The following ZFHX3 variants were observed in gnomAD, a reference collection of about 807,000 sequenced individuals.
ZFHX3 encodes zinc finger homeobox protein 3.
A neutral mutation model predicts 279.1 loss-of-function variants in ZFHX3; 42 were observed. That is an observed-to-expected ratio of 0.15 (90% CI 0.12 to 0.19). ZFHX3 has a LOEUF of 0.19. Among genes scored for constraint, ZFHX3 ranks in the 10% least tolerant of loss-of-function variants. The pLI, the probability that ZFHX3 is intolerant of heterozygous loss-of-function variation, is 1.00. For synonymous variants in ZFHX3, 2,293 were observed against 1,957.8 expected (o/e 1.17, Z -4.52); for missense variants, 4,981 against 4,754.0 (o/e 1.05, Z -1.40).
At chr16:73,200,146 A>G (rs2144898081) in intron 5 of ZFHX3, among the ~76,000 whole-genome samples, 1 of 152,338 alleles carries the variant, frequency 6.6e-6, no homozygotes, top group South Asian at 2.1e-4. Flanking sequence ...AGTGTTATGA[A>G]GAAGAATAAA....
intron 5 of ZFHX3, among the ~76,000 whole-genome samples, chr16:73,207,380 T>C (rs2144906409): frequency 6.6e-6 from 1 of 152,338 alleles, no homozygotes; most frequent in East Asian, 1.9e-4. Context: ...GGCGGGGTGT[T>C]TACCAATGTA....
intron 5 of ZFHX3, among the ~76,000 whole-genome samples, chr16:73,224,544 T>G (rs934070378): frequency 6.6e-6 from 1 of 152,246 alleles, no homozygotes; most frequent in African/African-American, 2.4e-5. Context: ...TCTCAAAGGC[T>G]GTTTCTGAGT....
At chr16:73,675,549 T>A (rs2052945988) in intron 2 of ZFHX3, among the ~76,000 whole-genome samples, 1 of 152,022 alleles carries the variant, frequency 6.6e-6, no homozygotes, top group African/African-American at 2.4e-5. Context: ...GATTTCCCTA[T>A]CAGTTTCACT....
At chr16:73,857,530 C>T (rs930083482) in intron 1 of ZFHX3, among the ~76,000 whole-genome samples, 2 of 152,014 alleles carry the variant, frequency 1.3e-5, no homozygotes, top group African/African-American at 2.4e-5. Flanking sequence ...AATATAAAAG[C>T]GGGGAGGAGA....
rs117977981 is a variant in ZFHX3 at position 73,884,497 on chromosome 16, A to G, written c.-1608+7154T>C. Among the ~76,000 whole-genome samples, 177 of 152,316 alleles carry G rather than the reference A, an allele frequency of 1.2e-3. 6 individuals are homozygous for G. The East Asian group carries it at 0.029, about 25-fold the overall frequency. On this transcript the variant is annotated intron_variant, in intron 1 of 17. Transcript: ENST00000641206. ...GGAGCTGTTAACAAAAGAAACATGG[A>G]AAAATCATGCAGTTTAGACTTTTAA...
intron 7 of ZFHX3, among the ~76,000 whole-genome samples, chr16:73,102,105 G>T (rs894110216): frequency 6.6e-6 from 1 of 151,800 alleles, no homozygotes; most frequent in Non-Finnish European, 1.5e-5. Context: ...GTAGAGACGA[G>T]GTTTTACCAT....
At chr16:72,823,467 C>T (rs935625156) in intron 5 of ZFHX3, among the ~76,000 whole-genome samples, 1 of 152,296 alleles carries the variant, frequency 6.6e-6, no homozygotes, top group South Asian at 2.1e-4. Flanking sequence ...TTGATGTCCT[C>T]ATCACACTGC....
At chr16:73,284,986 C>T (rs922732410) in intron 4 of ZFHX3, among the ~76,000 whole-genome samples, 6 of 152,180 alleles carry the variant, frequency 3.9e-5, no homozygotes, top group Admixed American at 3.9e-4. Flanking sequence ...GTCTACAGGC[C>T]TGCACCAGCA....
At chr16:72,841,893 A>C (rs2037354123) in intron 4 of ZFHX3, among the ~76,000 whole-genome samples, 1 of 152,204 alleles carries the variant, frequency 6.6e-6, no homozygotes. Context: ...CTCACACCCC[A>C]TCCTGTTTAG....
rs34970912 is a variant in ZFHX3, at chr16:73,034,264, C to T, written c.-50+13488G>A. Among the ~76,000 whole-genome samples, 6 of 152,038 alleles carry T rather than the reference C, an allele frequency of 3.9e-5. No homozygotes were observed. The East Asian group carries it at 1.2e-3, about 29-fold the overall frequency. On this transcript the variant is annotated intron_variant, in intron 1 of 9. Coordinates refer to ENST00000268489, the MANE Select transcript of ZFHX3 (RefSeq NM_006885.4). ...CCTCGACTAGGGAAGGTTTCCATTC[C>T]GCGGCATCAAGATAAGGCAAGAAAG...
chr16:72,918,463 G>C (rs1443061338), intron 3 of ZFHX3, among the ~76,000 whole-genome samples: 1 of 152,092 alleles, frequency 6.6e-6, no homozygotes, highest in Non-Finnish European at 1.5e-5. Context: ...GTTTTAAAAA[G>C]TCACAAAAAC....
rs544148341 is a variant in ZFHX3, at chr16:73,887,657, A to T, written c.-1608+3994T>A. 3.3e-5 allele frequency among the ~76,000 whole-genome samples: 5 copies of T among 152,140 alleles called. No homozygotes were observed. In the South Asian group the frequency reaches 8.3e-4, roughly 25 times the overall value. On this transcript the variant is annotated intron_variant, in intron 1 of 17. Transcript: ENST00000641206. ...GGGCCAGGAAGAAACCAAAAAATTT[A>T]AAAAAAATACACAGGTGAGAAAAGG...
intron 1 of ZFHX3, among the ~76,000 whole-genome samples, chr16:73,812,024 T>C (rs1441199542): frequency 6.6e-6 from 1 of 152,196 alleles, no homozygotes; most frequent in African/African-American, 2.4e-5. Flanking sequence ...AGAGATTAAA[T>C]AACCTACCCC....
chr16:73,615,246 T>C (rs2052288271), intron 2 of ZFHX3, among the ~76,000 whole-genome samples: 1 of 151,602 alleles, frequency 6.6e-6, no homozygotes, highest in African/African-American at 2.4e-5. Context: ...GAACCATGCA[T>C]GTCCCGAGAC....
intron 3 of ZFHX3, among the ~76,000 whole-genome samples, chr16:73,405,308 G>A: frequency 6.6e-6 from 1 of 152,156 alleles, no homozygotes; most frequent in East Asian, 1.9e-4. Flanking sequence ...CTACCAAGAA[G>A]GACTAAGGCT....
chr16:73,586,398 AAAC>A (rs2051926469), intron 2 of ZFHX3, among the ~76,000 whole-genome samples: 2 of 129,942 alleles, frequency 1.5e-5, no homozygotes, highest in South Asian at 4.3e-4. Context: ...CAAAACAAAC[AAAC>A]AAACAAACAA....
intron 4 of ZFHX3, among the ~76,000 whole-genome samples, chr16:73,289,133 G>A (rs143439146): frequency 7.3e-5 from 11 of 151,566 alleles, no homozygotes; most frequent in Non-Finnish European, 1.3e-4. Context: ...TCCTAAAATG[G>A]GAGAGGTCCT....
At chr16:73,850,029 GGCCA>G (rs1424534731) in intron 1 of ZFHX3, among the ~76,000 whole-genome samples, 3 of 152,198 alleles carry the variant, frequency 2.0e-5, no homozygotes, top group Non-Finnish European at 4.4e-5. Flanking sequence ...CACCGCGCCT[GGCCA>G]GCATTTATTT....
chr16:73,623,280 C>T (rs1386257935), intron 2 of ZFHX3, among the ~76,000 whole-genome samples: 2 of 152,164 alleles, frequency 1.3e-5, no homozygotes, highest in Admixed American at 1.3e-4. Context: ...TCGTGATCCG[C>T]CCGCCTCGGC....
Sources: allele counts gnomAD v4.1 joint callset (sites outside exome capture counted in the v4.1 genomes callset), GRCh38; gene constraint gnomAD v4.1.1; transcripts MANE v1.5; gene names NCBI Gene and HGNC (gene_info 2026-07-23, HGNC 2026-07-21).